The following ARID5B variants were observed in gnomAD, a reference collection of about 807,000 sequenced individuals.
The protein encoded by ARID5B is AT-rich interaction domain 5B.
A neutral mutation model predicts 97.2 loss-of-function variants in ARID5B; 13 were observed. The observed-to-expected ratio is 0.13, with a 90% CI of 0.09 to 0.21. The LOEUF is 0.21. ARID5B is among the 10% of genes least tolerant of loss of function. The probability of loss-of-function intolerance (pLI) is 1.00; values close to 1 mark genes in which losing one functional copy is unlikely to be tolerated. For missense variants in ARID5B, 1,210 were observed against 1,465.3 expected (o/e 0.83, Z 2.84); for synonymous variants, 556 against 570.3 (o/e 0.97, Z 0.36).
intron 3 of ARID5B, among the ~76,000 whole-genome samples, chr10:61,955,335 A>G (rs1838377593): frequency 6.6e-6 from 1 of 152,212 alleles, no homozygotes; most frequent in Non-Finnish European, 1.5e-5. Flanking sequence ...ATTAATACAT[A>G]CATTAATAAC....
At chr10:62,053,077 G>A (rs935037158) in intron 5 of ARID5B, among the ~76,000 whole-genome samples, 5 of 152,196 alleles carry the variant, frequency 3.3e-5, no homozygotes, top group Non-Finnish European at 7.3e-5. Flanking sequence ...TCTGGGATGA[G>A]GACAGTCATT....
At chr10:61,901,860 C>A in intron 1 of ARID5B, 130 bp downstream of exon 1, 5 of 763,238 alleles carry the variant, frequency 6.6e-6, no homozygotes, top group Non-Finnish European at 1.1e-5. Context: ...CCTCTGCATC[C>A]CCCAAAATCA....
rs561133778 is a variant in ARID5B at position 61,916,131 on chromosome 10, G to A, written c.276+13718G>A. 7.2e-5 allele frequency among the ~76,000 whole-genome samples: 11 copies of A among 152,306 alleles called. No homozygotes were observed. In the East Asian group the frequency reaches 1.2e-3, roughly 16 times the overall value. On this transcript the variant is annotated intron_variant, in intron 2 of 9. Coordinates refer to ENST00000279873, the MANE Select transcript of ARID5B (RefSeq NM_032199.3). ...TGCAAAGGCGTGGTCTTGCCTCATC[G>A]CAACCTCTGTTGCCCAGGTTCAAGT...
chr10:62,011,546 G>A (rs976767377), intron 4 of ARID5B, among the ~76,000 whole-genome samples: 1 of 152,178 alleles, frequency 6.6e-6, no homozygotes, highest in Non-Finnish European at 1.5e-5. Context: ...GAGCTGAGGA[G>A]GTGGCCTCAG....
chr10:62,079,155 C>G (rs538316222), intron 8 of ARID5B, among the ~76,000 whole-genome samples: 3 of 152,310 alleles, frequency 2.0e-5, no homozygotes, highest in African/African-American at 7.2e-5. Context: ...CAGGAGTGAT[C>G]TTTCAGTATC....
intron 4 of ARID5B, among the ~76,000 whole-genome samples, chr10:62,040,449 C>T (rs888264970): frequency 6.6e-6 from 1 of 152,050 alleles, no homozygotes; most frequent in East Asian, 1.9e-4. Flanking sequence ...AACATTGAAT[C>T]GTGACTTTTG....
intron 2 of ARID5B, among the ~76,000 whole-genome samples, chr10:61,932,382 C>A (rs376993956): frequency 6.6e-6 from 1 of 151,316 alleles, no homozygotes; most frequent in African/African-American, 2.4e-5. Flanking sequence ...GTGACTGTGG[C>A]AATTCCTTTT....
rs145267318 is a variant in ARID5B at position 62,052,227 on chromosome 10, C to T, written c.846+1227C>T. Among the ~76,000 whole-genome samples the T allele has an allele frequency of 5.9e-5, 9 of 152,268 alleles. No individual in the cohort carries two copies. In the East Asian group the frequency reaches 1.2e-3, roughly 20 times the overall value. On this transcript the variant is annotated intron_variant, in intron 5 of 9. Transcript: ENST00000279873. Reference sequence around the variant, plus strand: ...GTTGTTTTGCACATTTAACTTTCTGCGAATTAACTCCACATGGATGCCATG... The same window carrying T: ...GTTGTTTTGCACATTTAACTTTCTGTGAATTAACTCCACATGGATGCCATG...
In ARID5B at chr10:61,994,729, C is replaced by T. The variant is rs374690258; in HGVS notation, c.503-5362C>T. Reference sequence around the variant, plus strand: ...ACAGTTTCGCTATGGAATTCTGTTTCGGACTTTGAAATATATAAATAAGTA... The same window carrying T: ...ACAGTTTCGCTATGGAATTCTGTTTTGGACTTTGAAATATATAAATAAGTA... On this transcript the variant is annotated intron_variant, in intron 3 of 9. Coordinates refer to ENST00000279873, the MANE Select transcript of ARID5B (RefSeq NM_032199.3). 4.1e-4 allele frequency among the ~76,000 whole-genome samples: 62 copies of T among 152,118 alleles called. No homozygotes were observed. The South Asian group carries it at 8.1e-3, about 20-fold the overall frequency.
chr10:61,909,653 C>T (rs1843769868), intron 2 of ARID5B, among the ~76,000 whole-genome samples: 1 of 152,152 alleles, frequency 6.6e-6, no homozygotes, highest in Non-Finnish European at 1.5e-5. Flanking sequence ...AGTGACTGAA[C>T]GACATAATTA....
chr10:61,982,140 G>T (rs1010986022), intron 3 of ARID5B, among the ~76,000 whole-genome samples: 1 of 152,216 alleles, frequency 6.6e-6, no homozygotes, highest in Non-Finnish European at 1.5e-5. Flanking sequence ...AGAGCTGGCT[G>T]TCTTCACAGA....
chr10:62,005,745 A>G (rs1160388918), intron 4 of ARID5B, among the ~76,000 whole-genome samples: 1 of 152,230 alleles, frequency 6.6e-6, no homozygotes, highest in African/African-American at 2.4e-5. Context: ...AATTAATTTG[A>G]AGCATAAAGG....
In ARID5B at chr10:61,911,249, A is replaced by G. The variant is rs759691830; in HGVS notation, c.276+8836A>G. On this transcript the variant is annotated intron_variant, in intron 2 of 9. Coordinates refer to ENST00000279873, the MANE Select transcript of ARID5B (RefSeq NM_032199.3). ...ATAAGCATAGGAGTGAATTAATTAG[A>G]CCATATTTTGTCTTTAGTTGCTTAG... 2.0e-5 allele frequency among the ~76,000 whole-genome samples: 3 copies of G among 152,294 alleles called. No individual in the cohort carries two copies. In the East Asian group the frequency reaches 5.8e-4, roughly 29 times the overall value.
chr10:61,921,712 C>T (rs954472350), intron 2 of ARID5B, among the ~76,000 whole-genome samples: 2 of 152,212 alleles, frequency 1.3e-5, no homozygotes, highest in Non-Finnish European at 2.9e-5. Context: ...AGGGGACCAT[C>T]TTCGAGGCCA....
chr10:61,982,400 T>G (rs1838788870), intron 3 of ARID5B, among the ~76,000 whole-genome samples: 2 of 152,132 alleles, frequency 1.3e-5, no homozygotes. Context: ...TCTGTTGAAG[T>G]GGAAACATAA....
chr10:61,957,015 C>A (rs565469236), intron 3 of ARID5B, among the ~76,000 whole-genome samples: 1 of 152,220 alleles, frequency 6.6e-6, no homozygotes, highest in Admixed American at 6.5e-5. Flanking sequence ...AAGTGATCCT[C>A]CCACCTCAGC....
At chr10:62,054,755 A>C (rs952645245) in intron 5 of ARID5B, among the ~76,000 whole-genome samples, 5 of 152,150 alleles carry the variant, frequency 3.3e-5, no homozygotes, top group Admixed American at 3.3e-4. Context: ...ATCACTGCAA[A>C]TTTAAGACTC....
In ARID5B at chr10:61,903,858, G is replaced by C. The variant is rs1237129486; in HGVS notation, c.276+1445G>C. On this transcript the variant is annotated intron_variant, in intron 2 of 9. Transcript: ENST00000279873. ...CGTTCGCCCTCGAATCTGCCTTTTC[G>C]GAAATAAGCCCCTCCCACCTCCCCG... 3.3e-5 allele frequency among the ~76,000 whole-genome samples: 5 copies of C among 151,504 alleles called. No individual in the cohort carries two copies. The East Asian group carries it at 5.8e-4, about 18-fold the overall frequency.
In ARID5B at chr10:61,985,423, C is replaced by T. The variant is rs562895285; in HGVS notation, c.503-14668C>T. Among the ~76,000 whole-genome samples, 14 of 152,116 alleles carry T rather than the reference C, an allele frequency of 9.2e-5. No homozygotes were observed. The East Asian group carries it at 1.2e-3, about 13-fold the overall frequency. ...TCCACAGAAGGTATTCCCTTGGTGT[C>T]TGACCAGCCAATAGATGGAAGACCA... On this transcript the variant is annotated intron_variant, in intron 3 of 9. Coordinates refer to ENST00000279873, the MANE Select transcript of ARID5B (RefSeq NM_032199.3).
Sources: allele counts gnomAD v4.1 joint callset (sites outside exome capture counted in the v4.1 genomes callset), GRCh38; gene constraint gnomAD v4.1.1; transcripts MANE v1.5; gene names NCBI Gene and HGNC (gene_info 2026-07-23, HGNC 2026-07-21).